The following INPP4A variants were observed in gnomAD, a reference collection of about 807,000 sequenced individuals.
The protein encoded by INPP4A is inositol polyphosphate-4-phosphatase type I A, also known as inositol polyphosphate-4-phosphatase, type I, 107kD.
Under a neutral mutation model 119.8 loss-of-function variants are expected in INPP4A, and 33 were observed. The observed-to-expected ratio is 0.28, with a 90% confidence interval of 0.21 to 0.37. The LOEUF (loss-of-function observed/expected upper bound fraction) is 0.37. INPP4A is among the 10% of genes least tolerant of loss of function. INPP4A has a pLI of 1.00. For missense variants in INPP4A, 956 were observed against 1,289.9 expected, an observed-to-expected ratio of 0.74 and a Z score of 3.97; for synonymous variants, 496 against 500.7, an observed-to-expected ratio of 0.99 and a Z score of 0.12.
intron 1 of INPP4A, among the ~76,000 whole-genome samples, chr2:98,451,131 G>T (rs1194443201): frequency 6.6e-6 from 1 of 152,134 alleles, no homozygotes; most frequent in Non-Finnish European, 1.5e-5. Flanking sequence ...TGGGTGCAGT[G>T]TGCATGTCTC....
rs1684064596 is a variant in INPP4A at position 98,506,482 on chromosome 2, T to G, written c.-165-12482T>G. 2.6e-5 allele frequency among the ~76,000 whole-genome samples: 4 copies of G among 152,244 alleles called. No individual in the cohort carries two copies. In the South Asian group the frequency reaches 6.2e-4, roughly 24 times the overall value. On this transcript the variant is annotated intron_variant, in intron 1 of 24. Coordinates refer to ENST00000409851, the MANE Select transcript of INPP4A (RefSeq NM_001134225.2). ...ATGTGGGCAGCATTTGCAAGCTGTG[T>G]TGTTGTTGCTCACACTTATATTTCT... is the stretch of plus-strand genomic sequence containing the variant.
rs1337733090 is a variant in INPP4A at position 98,589,686 on chromosome 2, G to C, written c.*2078G>C. 5.5e-6 allele frequency: 1 copy of C among 180,434 alleles called. No individual in the cohort carries two copies. The allele number at this position is 180,434 out of a possible 1,614,324, so 11.2% of individuals were successfully genotyped here. A position where few individuals can be genotyped will look rare whatever the true frequency, so the allele number is the denominator to read the frequency against. On this transcript the variant is annotated 3_prime_UTR_variant, in exon 25 of 25. Transcript: ENST00000409851. ...TCCTGGGCTTCCGGCAGCATCACAC[G>C]CTTCCAGTGCCTGCAGGGTGAGGGT... is the stretch of plus-strand genomic sequence containing the variant.
At chr2:98,567,918 C>T (rs1214480253) in intron 21 of INPP4A, among the ~76,000 whole-genome samples, 1 of 152,166 alleles carries the variant, frequency 6.6e-6, no homozygotes, top group Non-Finnish European at 1.5e-5. Context: ...TCGGAAGGCC[C>T]CTCAGCAGGG....
intron 10 of INPP4A, among the ~76,000 whole-genome samples, chr2:98,542,543 T>C (rs1291727293): frequency 2.0e-5 from 3 of 152,218 alleles, no homozygotes; most frequent in Non-Finnish European, 1.5e-5. Context: ...TTTCCACATA[T>C]ATGTGTAAAG....
At chr2:98,514,688 G>A (rs554915195) in intron 1 of INPP4A, among the ~76,000 whole-genome samples, 2 of 152,228 alleles carry the variant, frequency 1.3e-5, no homozygotes, top group East Asian at 3.9e-4. Context: ...GGTCAAGGTG[G>A]GAGGATTGCT....
chr2:98,578,193 C>G (rs779293037), intron 24 of INPP4A, among the ~76,000 whole-genome samples: 1 of 152,160 alleles, frequency 6.6e-6, no homozygotes, highest in African/African-American at 2.4e-5. Flanking sequence ...TCTGGGGCGC[C>G]TTTTTAAAAT....
intron 1 of INPP4A, among the ~76,000 whole-genome samples, chr2:98,448,707 CTCT>C (rs1288495973): frequency 2.8e-4 from 24 of 87,006 alleles, no homozygotes; most frequent in East Asian, 1.9e-3. Flanking sequence ...CTCTCTCTCT[CTCT>C]TTTTTTTTTT....
chr2:98,581,507 C>CT, intron 24 of INPP4A: 2 of 1,441,574 alleles, frequency 1.4e-6, no homozygotes, highest in Middle Eastern at 1.9e-4. Flanking sequence ...CATGTGTCTT[C>CT]TTTTTTTCTT....
Position 98,569,497 on chromosome 2 carries a change from C to T in INPP4A, c.2518+829C>T, listed in dbSNP as rs1697076442. 1.3e-5 allele frequency: 2 copies of T among 152,292 alleles called. No individual in the cohort carries two copies. The highest frequency in any genetic ancestry group is 4.8e-5 in the African/African-American group (2 of 41,446). The allele number at this position is 152,292 out of a possible 1,614,324, so 9.4% of individuals were successfully genotyped here. ...CACATCGGCTGGGCTTTGCATTGGG[C>T]AGGCTTCATCTGCATCCTGTTGGAC... On this transcript the variant is annotated intron_variant, in intron 22 of 24. Transcript: ENST00000409851. The surrounding 1 kb of genome is among the most constrained non-coding windows in gnomAD (Gnocchi z 5.1).
At chr2:98,512,136 T>C (rs1685226246) in intron 1 of INPP4A, among the ~76,000 whole-genome samples, 1 of 152,248 alleles carries the variant, frequency 6.6e-6, no homozygotes, top group South Asian at 2.1e-4. Context: ...CTCACAGGGC[T>C]GACAGCCCAT....
chr2:98,555,549 G>C lies in INPP4A; in HGVS notation c.1567-4G>C. 6.3e-7 allele frequency: 1 copy of C among 1,591,812 alleles called. No homozygotes were observed. Among genetic ancestry groups the C allele is most frequent in the African/African-American group, 1.3e-5 (1 of 74,610 alleles). On this transcript the variant is annotated splice_region_variant and splice_polypyrimidine_tract_variant and intron_variant, in intron 15 of 24. Transcript: ENST00000409851. Reference sequence around the variant, plus strand: ...GACCCACATGGGCCCCTTTGATTTGGAAGGAGAAAGTGTGGCTGAACGTGG... The same window carrying C: ...GACCCACATGGGCCCCTTTGATTTGCAAGGAGAAAGTGTGGCTGAACGTGG...
intron 1 of INPP4A, among the ~76,000 whole-genome samples, chr2:98,500,552 G>T (rs565210398): frequency 4.6e-5 from 7 of 152,182 alleles, no homozygotes; most frequent in East Asian, 1.9e-4. Flanking sequence ...TTGCAGTGGT[G>T]GGGGGAGATT....
At chr2:98,478,892 A>G (rs1197880737) in intron 1 of INPP4A, among the ~76,000 whole-genome samples, 1 of 152,162 alleles carries the variant, frequency 6.6e-6, no homozygotes, top group Non-Finnish European at 1.5e-5. Flanking sequence ...GTAGATTGTT[A>G]GGACTTAACT....
At position 98,587,819 on chromosome 2, in the gene INPP4A, A is replaced by G. The variant is rs1700100551; in HGVS notation, c.*211A>G. ...TCAATAGGAGGTAATGTTTGGCTCA[A>G]TAGTGTGGATAGTAACAACTGCCTA... On this transcript the variant is annotated 3_prime_UTR_variant, in exon 25 of 25. Transcript: ENST00000409851. The G allele has an allele frequency of 6.7e-6, 3 of 445,882 alleles. No individual in the cohort carries two copies. The highest frequency in any genetic ancestry group is 7.8e-5 in the South Asian group (2 of 25,806). 27.6% of individuals were successfully genotyped at this position (445,882 alleles called of 1,614,324 possible).
At position 98,552,847 on chromosome 2, in the gene INPP4A, A is replaced by T. The variant is rs752878023; in HGVS notation, c.1225A>T (p.Ile409Phe). Residue 409 changes from isoleucine to phenylalanine, a missense_variant, in exon 14 of 25, where the codon ATC becomes TTC. Physicochemically the swap from Ile to Phe is conservative, Grantham distance 21. Coordinates refer to ENST00000409851, the MANE Select transcript of INPP4A (RefSeq NM_001134225.2). ...CCAGGATGTTGTCAGAGCCAAGGAG[A>T]TCATCGCCCAGATCAACACCCTGAA... ...IPQDVVRAKE[I>F]IAQINTLKTQ... is the part of the protein sequence containing the mutation. 4.3e-6 allele frequency: 7 copies of T among 1,613,688 alleles called. No individual in the cohort carries two copies. The South Asian group carries it at 6.6e-5, about 15-fold the overall frequency.
At chr2:98,528,334 A>T (rs1477861722) in intron 4 of INPP4A, among the ~76,000 whole-genome samples, 2 of 152,246 alleles carry the variant, frequency 1.3e-5, no homozygotes, top group East Asian at 3.8e-4. Flanking sequence ...AGACAGGTCA[A>T]TTGAGATTAT....
intron 4 of INPP4A, among the ~76,000 whole-genome samples, chr2:98,526,076 A>T (rs1388025019): frequency 6.6e-6 from 1 of 152,260 alleles, no homozygotes; most frequent in Non-Finnish European, 1.5e-5. Context: ...AGTAGAATAA[A>T]TAAATTGTAC....
chr2:98,564,178 A>C (rs1696014381), intron 18 of INPP4A, among the ~76,000 whole-genome samples: 1 of 152,056 alleles, frequency 6.6e-6, no homozygotes, highest in African/African-American at 2.4e-5. Flanking sequence ...AGGTTCCCTC[A>C]CCCATCCTGG....
chr2:98,489,558 A>G (rs1453208708), intron 1 of INPP4A, among the ~76,000 whole-genome samples: 1 of 152,088 alleles, frequency 6.6e-6, no homozygotes, highest in East Asian at 1.9e-4. Flanking sequence ...TGTCGATAAC[A>G]TTGGTACCAA....
Sources: gnomAD v4.1 joint callset for allele counts (sites outside exome capture counted in the v4.1 genomes callset) on GRCh38, gnomAD v4.1.1 for gene constraint, Gnocchi (gnomAD v3.1) non-coding constraint, MANE v1.5 for transcripts, NCBI Gene and HGNC (gene_info 2026-07-23, HGNC 2026-07-21) for gene names.